Variants in IFT20 observed in about 807,000 individuals in gnomAD.
The protein encoded by IFT20 is intraflagellar transport protein 20 homolog.
A neutral mutation model predicts 16.9 loss-of-function variants in IFT20; 4 were observed. That is an observed-to-expected ratio of 0.24 (90% CI 0.12 to 0.54). The LOEUF (loss-of-function observed/expected upper bound fraction) is 0.54, where lower values mean the gene tolerates loss of function less well. Ranked by LOEUF, IFT20 falls within the 20% of genes least tolerant of loss-of-function variation. IFT20 has a pLI of 0.95. For synonymous variants in IFT20, 48 were observed against 49.9 expected, an observed-to-expected ratio of 0.96 and a Z score of 0.16; for missense variants, 154 against 149.7, an observed-to-expected ratio of 1.03 and a Z score of -0.15.
intron 1 of IFT20, among the ~76,000 whole-genome samples, chr17:28,335,093 A>G (rs1555577136): frequency 2.6e-5 from 4 of 152,160 alleles, no homozygotes; most frequent in African/African-American, 9.7e-5. Context: ...CATGCGAGGC[A>G]CTGCGAGCCG....
chr17:28,333,072 AACACACACACACACACAC>A (rs56753724), intron 1 of IFT20, among the ~76,000 whole-genome samples: 3 of 144,478 alleles, frequency 2.1e-5, no homozygotes, highest in Admixed American at 6.9e-5. Flanking sequence ...TCTGGCTCAA[AACACACACACACACACAC>A]ACACACACAC....
chr17:28,333,506 C>G (rs1906928053), intron 1 of IFT20, among the ~76,000 whole-genome samples: 1 of 152,256 alleles, frequency 6.6e-6, no homozygotes, highest in Non-Finnish European at 1.5e-5. Context: ...CATGGGCCAA[C>G]TAATACATGT....
At chr17:28,329,425 G>T in intron 3 of IFT20, 149 bp from the exon 4 acceptor site, 1 of 621,184 alleles carries the variant, frequency 1.6e-6, no homozygotes, top group East Asian at 2.7e-5. Flanking sequence ...AAGTCAGAAG[G>T]ATTAACCTAC....
rs1555577237 is a variant in IFT20 at position 28,335,443 on chromosome 17, C to A, written c.-106G>T. 6.6e-6 allele frequency: 1 copy of A among 152,392 alleles called. No individual in the cohort carries two copies. The highest frequency in any genetic ancestry group is 1.5e-5 in the Non-Finnish European group (1 of 68,160). 9.4% of individuals were successfully genotyped at this position (152,392 alleles called of 1,614,324 possible). A position where few individuals can be genotyped will look rare whatever the true frequency, so the allele number is the denominator to read the frequency against. ...GTACCCAGCCAGCCTGCCACGGCCG[C>A]TGCCACGGATACAGAGCCTGTTTAC... On this transcript the variant is annotated 5_prime_UTR_variant, in exon 1 of 5. Coordinates refer to ENST00000395418, the MANE Select transcript of IFT20 (RefSeq NM_001267776.2).
Position 28,328,562 on chromosome 17 carries a change from GT to G in IFT20, c.*89del, listed in dbSNP as rs1769927941. ...CCACCTCTTGTGACATAGGTCATTGGTCAAGCCGCTGGAATGCTACAGAGGT... is the reference window on the plus strand; with the variant it reads ...CCACCTCTTGTGACATAGGTCATTGGCAAGCCGCTGGAATGCTACAGAGGT... On this transcript the variant is annotated 3_prime_UTR_variant, in exon 5 of 5. Transcript: ENST00000395418. 3 of 796,118 alleles carry G rather than the reference GT, an allele frequency of 3.8e-6. 1 individual carries two copies. In the South Asian group the frequency reaches 4.8e-5, roughly 13 times the overall value. The allele number at this position is 796,118 out of a possible 1,614,324, so 49.3% of individuals were successfully genotyped here. A position where few individuals can be genotyped will look rare whatever the true frequency, so the allele number is the denominator to read the frequency against.
At chr17:28,332,458 AGAG>A (rs2142372430) in intron 1 of IFT20, 1 of 408,268 alleles carries the variant, frequency 2.4e-6, no homozygotes, top group Middle Eastern at 7.5e-4. Context: ...GTAAAGAGCC[AGAG>A]GAGGACAGAG....
chr17:28,329,172 C>A lies in IFT20; in HGVS notation c.317+1G>T. ...ACTTGCTTTACATCATGACTTCTTA[C>A]CTTTCTAGCTGCATTTTCTTTTCTG... On this transcript the variant is annotated splice_donor_variant, in intron 4 of 4. Transcript: ENST00000395418. LOFTEE classifies it high-confidence loss of function. 1.2e-6 allele frequency: 2 copies of A among 1,609,238 alleles called. No homozygotes were observed. The highest frequency in any genetic ancestry group is 1.7e-6 in the Non-Finnish European group (2 of 1,175,800).
intron 1 of IFT20, among the ~76,000 whole-genome samples, chr17:28,334,241 G>A (rs1906981458): frequency 6.6e-6 from 1 of 152,292 alleles, no homozygotes; most frequent in Middle Eastern, 3.4e-3. Flanking sequence ...TGGAGGGGAG[G>A]GCCAACAGAG....
chr17:28,328,744 A>G lies in IFT20; in HGVS notation c.318-11T>C. On this transcript the variant is annotated splice_polypyrimidine_tract_variant and intron_variant, in intron 4 of 4. Transcript: ENST00000395418. Reference sequence around the variant, plus strand: ...TATTCAACCCGATACCTGAAAAACAAAATTGTTAGAGGCCCTGAAAAAAAG... The same window carrying G: ...TATTCAACCCGATACCTGAAAAACAGAATTGTTAGAGGCCCTGAAAAAAAG... The G allele has an allele frequency of 6.6e-7, 1 of 1,522,070 alleles. No individual in the cohort carries two copies. Among genetic ancestry groups the G allele is most frequent in the Non-Finnish European group, 9.0e-7 (1 of 1,106,118 alleles). 94.3% of individuals were successfully genotyped at this position (1,522,070 alleles called of 1,614,324 possible). A position where few individuals can be genotyped will look rare whatever the true frequency, so the allele number is the denominator to read the frequency against.
At chr17:28,333,038 G>A (rs191575763) in intron 1 of IFT20, among the ~76,000 whole-genome samples, 1 of 146,938 alleles carries the variant, frequency 6.8e-6, no homozygotes, top group African/African-American at 2.5e-5. Context: ...TTCTAGGAAG[G>A]AAATACTGAA....
intron 1 of IFT20, chr17:28,332,308 T>C: frequency 1.9e-6 from 2 of 1,078,380 alleles, no homozygotes; most frequent in South Asian, 1.4e-5. Flanking sequence ...GCCTACTACA[T>C]GCCAACACTG....
At chr17:28,332,251 C>T (rs560543692) in intron 1 of IFT20, 131 of 1,521,280 alleles carry the variant, frequency 8.6e-5, no homozygotes, top group Admixed American at 1.2e-4. Flanking sequence ...GAATAAAGTC[C>T]GCTTGCTTGT....
intron 3 of IFT20, 127 bp from the exon 4 acceptor site, chr17:28,329,403 A>G: frequency 1.4e-6 from 1 of 711,074 alleles, no homozygotes; most frequent in Non-Finnish European, 2.4e-6. Flanking sequence ...GGAGCCCCAA[A>G]GCTTTTGGGT....
At chr17:28,332,198 G>T in intron 1 of IFT20, 1 of 1,536,912 alleles carries the variant, frequency 6.5e-7, no homozygotes, top group South Asian at 1.2e-5. Context: ...GAGTGACAGT[G>T]GCAGTCAGGA....
chr17:28,330,166 G>A, intron 3 of IFT20: 1 of 625,450 alleles, frequency 1.6e-6, no homozygotes. Context: ...AATCTGAGAG[G>A]CAGAGCTTGC....
chr17:28,328,678 T>G lies in IFT20; in HGVS notation c.373A>C (p.Ile125Leu), dbSNP rs782273317. 5 of 1,605,622 alleles carry G rather than the reference T, an allele frequency of 3.1e-6. No homozygotes were observed. In the South Asian group the frequency reaches 4.5e-5, roughly 14 times the overall value. ...CATTTCTGAAAAATAAATTGGTCAA[T>G]AAATTCATTTTGTTCTGCTTCTACT... ...CKVEAEQNEFIDQFIFQK is the reference protein window; with the variant it reads ...CKVEAEQNEFLDQFIFQK Residue 125 changes from isoleucine to leucine, a missense_variant, in exon 5 of 5, where the codon ATT becomes CTT. Physicochemically the swap from Ile to Leu is conservative, Grantham distance 5. Coordinates refer to ENST00000395418, the MANE Select transcript of IFT20 (RefSeq NM_001267776.2).
In IFT20 at chr17:28,328,342, A is replaced by AT. The variant is rs1555575843; in HGVS notation, c.*309dup. On this transcript the variant is annotated 3_prime_UTR_variant, in exon 5 of 5. Transcript: ENST00000395418. Reference sequence around the variant, plus strand: ...TACATCAAGCCATTTGAAAACAAAAATTTATTGCTTCTCCTTCCAAAGCTT... The same window carrying AT: ...TACATCAAGCCATTTGAAAACAAAAATTTTATTGCTTCTCCTTCCAAAGCTT... The AT allele has an allele frequency of 3.7e-6, 1 of 267,170 alleles. No homozygotes were observed. Among genetic ancestry groups the AT allele is most frequent in the African/African-American group, 2.3e-5 (1 of 44,212 alleles). The allele number at this position is 267,170 out of a possible 1,614,324, so 16.5% of individuals were successfully genotyped here.
At chr17:28,334,521 CG>C (rs1907004309) in intron 1 of IFT20, among the ~76,000 whole-genome samples, 1 of 152,222 alleles carries the variant, frequency 6.6e-6, no homozygotes, top group Admixed American at 6.5e-5. Context: ...GGACAGCCAG[CG>C]GGTTCTCAGC....
At chr17:28,332,200 C>T (rs1555576687) in intron 1 of IFT20, 1 of 1,536,814 alleles carries the variant, frequency 6.5e-7, no homozygotes, top group Admixed American at 2.0e-5. Flanking sequence ...GTGACAGTGG[C>T]AGTCAGGAGG....
Sources: gnomAD v4.1 joint callset for allele counts (sites outside exome capture counted in the v4.1 genomes callset) on GRCh38, gnomAD v4.1.1 for gene constraint, MANE v1.5 for transcripts, NCBI Gene and HGNC (gene_info 2026-07-23, HGNC 2026-07-21) for gene names.